CCNE2: variants seen among roughly 807,000 people sequenced by gnomAD.
The protein encoded by CCNE2 is G1/S-specific cyclin-E2.
In CCNE2, 18 loss-of-function variants were observed where a neutral mutation model predicts 56.8. The ratio of observed to expected loss-of-function variants is 0.32; its 90% CI spans 0.22 to 0.47. The LOEUF (loss-of-function observed/expected upper bound fraction) is 0.47. CCNE2 is among the 20% of genes least tolerant of loss of function. The pLI is 1.00. For synonymous variants in CCNE2, 139 were observed against 149.2 expected (o/e 0.93, Z 0.50); for missense variants, 371 against 467.1 (o/e 0.79, Z 1.90).
At chr8:94,881,940 C>G (rs1210907033) in intron 11 of CCNE2, among the ~76,000 whole-genome samples, 192 bp downstream of exon 11, 1 of 152,122 alleles carries the variant, frequency 6.6e-6, no homozygotes, top group African/African-American at 2.4e-5. Flanking sequence ...TGGCATTGAT[C>G]TTGAGACACT....
Position 94,892,877 on chromosome 8 carries a change from T to C in CCNE2, c.258A>G (p.Arg86=), listed in dbSNP as rs760432047. ...GATTTTTAAATCTGTAATTTGTAAA[T>C]CTGGAGAAATCACTTGTTCCTATTT... ...HKEIGTSDFS[R]FTNYRFKNLF... The change falls in exon 5 of 12, where the codon AGA becomes AGG. Residue 86 remains arginine, a synonymous_variant. Coordinates refer to ENST00000308108, the MANE Select transcript of CCNE2 (RefSeq NM_057749.3). 3 of 1,518,110 alleles carry C rather than the reference T, an allele frequency of 2.0e-6. No homozygotes were observed. Among genetic ancestry groups the C allele is most frequent in the African/African-American group, 1.4e-5 (1 of 70,252 alleles). The allele number at this position is 1,518,110 out of a possible 1,614,324, so 94.0% of individuals were successfully genotyped here. A position where few individuals can be genotyped will look rare whatever the true frequency, so the allele number is the denominator to read the frequency against.
At position 94,888,018 on chromosome 8, in the gene CCNE2, A is replaced by C. The variant is rs199953904; in HGVS notation, c.509T>G (p.Phe170Cys). Reference protein sequence around the residue: ...RETFYLAQDFFDRFMLTQKDI... With the variant: ...RETFYLAQDFCDRFMLTQKDI... ...CTTTTGTGTCAACATAAATCTATCA[A>C]AAAAGTCTTGTGCAAGATAAAATGT... The change falls in exon 7 of 12, where the codon TTT becomes TGT. Residue 170 changes from phenylalanine to cysteine, a missense_variant. Coordinates refer to ENST00000308108, the MANE Select transcript of CCNE2 (RefSeq NM_057749.3). 106 of 1,597,920 alleles carry C rather than the reference A, an allele frequency of 6.6e-5. No individual in the cohort carries two copies. Among genetic ancestry groups the C allele is most frequent in the Non-Finnish European group, 8.5e-5 (99 of 1,171,112 alleles).
At chr8:94,891,964 T>G in intron 5 of CCNE2, 1 of 1,022,934 alleles carries the variant, frequency 9.8e-7, no homozygotes, top group Non-Finnish European at 1.5e-6. Context: ...TCGGATTAAC[T>G]CACACGTGAT....
chr8:94,888,936 G>T (rs1221309138), intron 6 of CCNE2, among the ~76,000 whole-genome samples: 1 of 152,178 alleles, frequency 6.6e-6, no homozygotes, highest in Non-Finnish European at 1.5e-5. Context: ...ATCACTTGAG[G>T]TCAGGAGTTC....
intron 5 of CCNE2, chr8:94,891,678 AAAC>A: frequency 7.2e-6 from 4 of 552,092 alleles, no homozygotes; most frequent in East Asian, 3.8e-5. Flanking sequence ...AAAAAAAAAA[AAAC>A]ACCATGAAGT....
Position 94,881,019 on chromosome 8 carries a change from G to T in CCNE2, c.*613C>A, listed in dbSNP as rs1373427813. 1 of 398,498 alleles carries T rather than the reference G, an allele frequency of 2.5e-6. No individual in the cohort carries two copies. The highest frequency in any genetic ancestry group is 4.4e-6 in the Non-Finnish European group (1 of 225,836). 24.7% of individuals were successfully genotyped at this position (398,498 alleles called of 1,614,324 possible). On this transcript the variant is annotated 3_prime_UTR_variant, in exon 12 of 12. Transcript: ENST00000308108. Reference sequence around the variant, plus strand: ...ATCTAAGCCTTATTAGTTAAAAAATGTGTTATGGCAAGGCAAATAAACTAG... The same window carrying T: ...ATCTAAGCCTTATTAGTTAAAAAATTTGTTATGGCAAGGCAAATAAACTAG...
At position 94,893,943 on chromosome 8, in the gene CCNE2, T is replaced by C; in HGVS notation, c.113A>G (p.Asp38Gly). The change falls in exon 4 of 12, where the codon GAT (aspartate) becomes GGT (glycine). Residue 38 changes from aspartate to glycine, a missense_variant and splice_region_variant. Coordinates refer to ENST00000308108, the MANE Select transcript of CCNE2 (RefSeq NM_057749.3). ...GACCTCCTCTCTTCTTTTTTTGACATCCTGGAAAATAGAAAAGACCATTGG... is the reference window on the plus strand; with the variant it reads ...GACCTCCTCTCTTCTTTTTTTGACACCCTGGAAAATAGAAAAGACCATTGG... ...IQAKKRKTTQDVKKRREEVTK... is the reference protein window; with the variant it reads ...IQAKKRKTTQGVKKRREEVTK... 6.2e-7 allele frequency: 1 copy of C among 1,614,018 alleles called. No homozygotes were observed. Among genetic ancestry groups the C allele is most frequent in the Non-Finnish European group, 8.5e-7 (1 of 1,179,974 alleles).
intron 5 of CCNE2, 41 bp from the exon 6 acceptor site, chr8:94,890,591 A>ATATT: frequency 9.7e-6 from 3 of 308,440 alleles, no homozygotes; most frequent in Non-Finnish European, 1.4e-5. Context: ...ATATATATAT[A>ATATT]TTTTTTTTTT....
chr8:94,882,298 A>ATAGAAAAAAGT lies in CCNE2; in HGVS notation c.944-20_944-10dup. 1 of 1,578,714 alleles carries ATAGAAAAAAGT rather than the reference A, an allele frequency of 6.3e-7. No homozygotes were observed. Among genetic ancestry groups the ATAGAAAAAAGT allele is most frequent in the Non-Finnish European group, 8.6e-7 (1 of 1,163,452 alleles). ...ACTGTCCCACTCCAAACCTAGATAG[A>ATAGAAAAAAGT]TAGAAAAAAGTTAGAAAAGCATGAA... On this transcript the variant is annotated splice_polypyrimidine_tract_variant and intron_variant, in intron 10 of 11. Coordinates refer to ENST00000308108, the MANE Select transcript of CCNE2 (RefSeq NM_057749.3).
chr8:94,886,542 A>C (rs1177138241), intron 7 of CCNE2, among the ~76,000 whole-genome samples: 1 of 150,624 alleles, frequency 6.6e-6, no homozygotes, highest in Non-Finnish European at 1.5e-5. Flanking sequence ...CGCTGTCCCT[A>C]CAAGAAAAAA....
At chr8:94,889,712 G>T (rs1465576367) in intron 6 of CCNE2, among the ~76,000 whole-genome samples, 2 of 152,136 alleles carry the variant, frequency 1.3e-5, no homozygotes, top group Admixed American at 6.5e-5. Context: ...AGACTACAGA[G>T]CAAATATCCA....
intron 5 of CCNE2, chr8:94,891,342 C>T: frequency 4.2e-6 from 1 of 235,360 alleles, no homozygotes; most frequent in Non-Finnish European, 8.7e-6. Context: ...ACTGCCCAGG[C>T]TATCAAGGGT....
intron 5 of CCNE2, 39 bp from the exon 6 acceptor site, chr8:94,890,589 ATATTTTTT>A (rs1817197987): frequency 1.5e-5 from 8 of 520,780 alleles, no homozygotes; most frequent in African/African-American, 8.1e-5. Flanking sequence ...ATATATATAT[ATATTTTTT>A]TTTTTTTTTT....
chr8:94,880,966 T>A lies in CCNE2; in HGVS notation c.*666A>T. ...TATAATTTCTTTGGTACTCCCACTG[T>A]TTAGAGCACAGGTTGAACACCATGT... On this transcript the variant is annotated 3_prime_UTR_variant, in exon 12 of 12. Coordinates refer to ENST00000308108, the MANE Select transcript of CCNE2 (RefSeq NM_057749.3). 2.5e-6 allele frequency: 1 copy of A among 398,804 alleles called. No individual in the cohort carries two copies. The highest frequency in any genetic ancestry group is 4.4e-6 in the Non-Finnish European group (1 of 225,910). 24.7% of individuals were successfully genotyped at this position (398,804 alleles called of 1,614,324 possible).
intron 9 of CCNE2, among the ~76,000 whole-genome samples, chr8:94,883,216 C>T (rs1275072528): frequency 6.6e-6 from 1 of 151,202 alleles, no homozygotes; most frequent in Non-Finnish European, 1.5e-5. Flanking sequence ...GCAGAGCTTG[C>T]AGTGAGCAGA....
rs1308761112 is a variant in CCNE2, at chr8:94,894,106, C to A, written c.28G>T (p.Ala10Ser). The A allele has an allele frequency of 1.2e-6, 2 of 1,613,610 alleles. No individual in the cohort carries two copies. The highest frequency in any genetic ancestry group is 1.7e-6 in the Non-Finnish European group (2 of 1,179,740). ...TGGCTGGGCTGGGGCTGCTGCTTAGCTTGTAAACGGCTACTGTAGTGAATT... is the reference window on the plus strand; with the variant it reads ...TGGCTGGGCTGGGGCTGCTGCTTAGATTGTAAACGGCTACTGTAGTGAATT... MSRRSSRLQ[A>S]KQQPQPSQTE... Residue 10 changes from alanine (A) to serine (S), a missense_variant, in exon 3 of 12, where the codon GCT becomes TCT. Transcript: ENST00000308108.
chr8:94,896,158 C>G (rs1410964747), upstream of CCNE2, among the ~76,000 whole-genome samples: 3 of 152,000 alleles, frequency 2.0e-5, no homozygotes, highest in African/African-American at 7.2e-5. Context: ...GGAGCGGGGC[C>G]CGGGAACGGC....
rs1429401002 is a variant in CCNE2, at chr8:94,881,772, G to GATT, written c.1102-30_1102-28dup. ...TATACATGGGAAGAAATCATGCACT[G>GATT]ATTTCATAAATCAAAGTCAAACCAG... is the stretch of plus-strand genomic sequence containing the variant. On this transcript the variant is annotated intron_variant, in intron 11 of 11. Transcript: ENST00000308108. 7 of 1,610,692 alleles carry GATT rather than the reference G, an allele frequency of 4.3e-6. No individual in the cohort carries two copies. In the East Asian group the frequency reaches 1.3e-4, roughly 31 times the overall value.
chr8:94,892,668 T>C, intron 5 of CCNE2, 150 bp downstream of exon 5: 1 of 478,638 alleles, frequency 2.1e-6, no homozygotes, highest in Non-Finnish European at 3.6e-6. Context: ...CAACCAGCAC[T>C]ACTCTCAGAT....
Sources: allele counts gnomAD v4.1 joint callset (sites outside exome capture counted in the v4.1 genomes callset), GRCh38; gene constraint gnomAD v4.1.1; transcripts MANE v1.5; gene names NCBI Gene and HGNC (gene_info 2026-07-23, HGNC 2026-07-21).